ZNF804B: variants seen among roughly 807,000 people sequenced by gnomAD.
ZNF804B encodes the protein zinc finger 804B.
Under a neutral mutation model 101.4 loss-of-function variants are expected in ZNF804B, and 80 were observed. That is an observed-to-expected ratio of 0.79 (90% CI 0.66 to 0.95). The LOEUF is 0.95. ZNF804B is among the 40% of genes least tolerant of loss of function. ZNF804B has a pLI of 0.00. For missense variants in ZNF804B, 1,673 were observed against 1,561.9 expected, an observed-to-expected ratio of 1.07 and a Z score of -1.20; for synonymous variants, 622 against 558.8, an observed-to-expected ratio of 1.11 and a Z score of -1.59.
At chr7:88,875,486 C>T (rs1440354711) in intron 1 of ZNF804B, among the ~76,000 whole-genome samples, 4 of 152,008 alleles carry the variant, frequency 2.6e-5, no homozygotes, top group South Asian at 2.1e-4. Flanking sequence ...ATATCACCAC[C>T]GATCCCACAG....
At chr7:88,943,461 T>TA (rs1793084213) in intron 1 of ZNF804B, among the ~76,000 whole-genome samples, 1 of 151,882 alleles carries the variant, frequency 6.6e-6, no homozygotes, top group South Asian at 2.1e-4. Flanking sequence ...TCCAATTATG[T>TA]AAAATCTCAA....
chr7:89,205,422 A>T (rs569386111), intron 1 of ZNF804B, among the ~76,000 whole-genome samples: 6 of 152,212 alleles, frequency 3.9e-5, no homozygotes, highest in Non-Finnish European at 8.8e-5. Flanking sequence ...TTCACCTATG[A>T]TCCTGTAAAA....
In ZNF804B at chr7:89,202,623, G is replaced by C. The variant is rs567399036; in HGVS notation, c.109-15532G>C. ...TTCCAGAGATCCATGTATATGTCTTGAGTTTTAGAGACACAAAAATTCTAT... is the reference window on the plus strand; with the variant it reads ...TTCCAGAGATCCATGTATATGTCTTCAGTTTTAGAGACACAAAAATTCTAT... On this transcript the variant is annotated intron_variant, in intron 1 of 3. Transcript: ENST00000333190. 5.3e-5 allele frequency among the ~76,000 whole-genome samples: 8 copies of C among 152,194 alleles called. No individual in the cohort carries two copies. The East Asian group carries it at 1.4e-3, about 26-fold the overall frequency.
chr7:89,321,511 A>G (rs1055398911), intron 2 of ZNF804B, among the ~76,000 whole-genome samples: 1 of 152,086 alleles, frequency 6.6e-6, no homozygotes, highest in African/African-American at 2.4e-5. Flanking sequence ...TTTATGTTAC[A>G]TATTTTAATG....
At chr7:89,295,881 T>C (rs1451020632) in intron 2 of ZNF804B, among the ~76,000 whole-genome samples, 1 of 152,122 alleles carries the variant, frequency 6.6e-6, no homozygotes, top group African/African-American at 2.4e-5. Flanking sequence ...AGGACACTAT[T>C]CTAAGTAAAG....
intron 1 of ZNF804B, among the ~76,000 whole-genome samples, chr7:89,195,736 C>T (rs904047479): frequency 6.6e-6 from 1 of 151,748 alleles, no homozygotes; most frequent in Non-Finnish European, 1.5e-5. Flanking sequence ...GCAAAAATTT[C>T]TAGCATTTCT....
chr7:89,067,278 G>A (rs1013263304), intron 1 of ZNF804B, among the ~76,000 whole-genome samples: 1 of 152,180 alleles, frequency 6.6e-6, no homozygotes, highest in Non-Finnish European at 1.5e-5. Context: ...AGCAATTGTA[G>A]ACCGAGTTGT....
At chr7:89,278,926 G>A (rs1001046856) in intron 2 of ZNF804B, among the ~76,000 whole-genome samples, 26 of 151,870 alleles carry the variant, frequency 1.7e-4, no homozygotes, top group Admixed American at 1.5e-3. Context: ...CATTGAATCT[G>A]TAAATTACCT....
At chr7:89,271,373 T>G (rs1265136202) in intron 2 of ZNF804B, among the ~76,000 whole-genome samples, 1 of 152,182 alleles carries the variant, frequency 6.6e-6, no homozygotes, top group Non-Finnish European at 1.5e-5. Context: ...TTACGTTTAT[T>G]GATTTGCATA....
In ZNF804B at chr7:89,265,298, G is replaced by T. The variant is rs796886730; in HGVS notation, c.249+47003G>T. Among the ~76,000 whole-genome samples, 4 of 84,350 alleles carry T rather than the reference G, an allele frequency of 4.7e-5. No individual in the cohort carries two copies. The East Asian group carries it at 2.0e-3, about 43-fold the overall frequency. 55.3% of individuals were successfully genotyped at this position (84,350 alleles called of 152,430 possible). Reference sequence around the variant, plus strand: ...TGTGTGTGTGTGTGTGTGTGTGCGCGTGCGCGCGCGCACACATGCACGTGC... The same window carrying T: ...TGTGTGTGTGTGTGTGTGTGTGCGCTTGCGCGCGCGCACACATGCACGTGC... On this transcript the variant is annotated intron_variant, in intron 2 of 3. Transcript: ENST00000333190.
At chr7:88,785,459 G>T (rs887042781) in intron 1 of ZNF804B, among the ~76,000 whole-genome samples, 1 of 151,996 alleles carries the variant, frequency 6.6e-6, no homozygotes, top group Non-Finnish European at 1.5e-5. Context: ...ATACAGTCTC[G>T]TTACCTAGTT....
At chr7:88,875,412 G>T (rs967189621) in intron 1 of ZNF804B, among the ~76,000 whole-genome samples, 1 of 152,066 alleles carries the variant, frequency 6.6e-6, no homozygotes, top group South Asian at 2.1e-4. Context: ...TAAACTGCTA[G>T]CAAGACTAAT....
At chr7:88,894,744 A>C (rs1022532407) in intron 1 of ZNF804B, among the ~76,000 whole-genome samples, 7 of 152,206 alleles carry the variant, frequency 4.6e-5, no homozygotes, top group Non-Finnish European at 8.8e-5. Context: ...TACAGGAAGG[A>C]AGCCAGTCTA....
chr7:89,056,108 C>T (rs1336685286), intron 1 of ZNF804B, among the ~76,000 whole-genome samples: 1 of 152,236 alleles, frequency 6.6e-6, no homozygotes, highest in Admixed American at 6.5e-5. Context: ...TCTGAGTCAT[C>T]TTCAAAAGCC....
chr7:88,782,782 C>T (rs1790249331), intron 1 of ZNF804B, among the ~76,000 whole-genome samples: 1 of 152,086 alleles, frequency 6.6e-6, no homozygotes, highest in Admixed American at 6.6e-5. Flanking sequence ...CTATGGTTTT[C>T]CAGCTCCTCT....
intron 1 of ZNF804B, among the ~76,000 whole-genome samples, chr7:89,048,319 G>A (rs1158830343): frequency 1.3e-5 from 2 of 151,808 alleles, no homozygotes; most frequent in South Asian, 2.1e-4. Flanking sequence ...GTGAAGTAAC[G>A]AAGGAATGAA....
intron 1 of ZNF804B, among the ~76,000 whole-genome samples, chr7:88,968,468 G>A (rs1314031053): frequency 6.6e-6 from 1 of 151,482 alleles, no homozygotes; most frequent in Admixed American, 6.6e-5. Flanking sequence ...TATCCTGATG[G>A]ATCCATCCAC....
chr7:89,063,821 C>A (rs1164301801), intron 1 of ZNF804B, among the ~76,000 whole-genome samples: 3 of 152,106 alleles, frequency 2.0e-5, no homozygotes, highest in Non-Finnish European at 4.4e-5. Flanking sequence ...CACTGAATCA[C>A]AATTGGGTGA....
intron 2 of ZNF804B, among the ~76,000 whole-genome samples, chr7:89,324,467 G>A (rs73386691): frequency 0.026 from 4,006 of 151,694 alleles, 177 homozygotes; most frequent in African/African-American, 0.092. Flanking sequence ...TTGACCTCAC[G>A]CTTTTATCCA....
Sources: gnomAD v4.1 joint callset for allele counts (sites outside exome capture counted in the v4.1 genomes callset) on GRCh38, gnomAD v4.1.1 for gene constraint, MANE v1.5 for transcripts, NCBI Gene and HGNC (gene_info 2026-07-23, HGNC 2026-07-21) for gene names.